Variants in ARID3A observed in about 807,000 individuals in gnomAD.
The protein encoded by ARID3A is AT-rich interaction domain 3A.
ARID3A carries 11 observed loss-of-function variants against 52.7 expected under a neutral mutation model. The observed-to-expected ratio is 0.21, with a 90% CI of 0.13 to 0.35. The LOEUF is 0.35. Ranked by LOEUF, ARID3A falls within the 10% of genes least tolerant of loss-of-function variation. ARID3A has a pLI of 1.00. For missense variants in ARID3A, 721 were observed against 838.5 expected, an observed-to-expected ratio of 0.86 and a Z score of 1.73; for synonymous variants, 404 against 359.4, an observed-to-expected ratio of 1.12 and a Z score of -1.40.
chr19:964,279 C>T lies in ARID3A; in HGVS notation c.798C>T (p.Ala266=). The change falls in exon 5 of 9, where the codon GCC becomes GCT. Residue 266 remains alanine (A), a synonymous_variant. Transcript: ENST00000263620. This position sits in a 1 kb window ranked among gnomAD's most constrained non-coding sequence, Gnocchi z 5.7. The part of the protein sequence containing the change: ...GTPVNRIPIM[A]KQVLDLFMLY... ...CTGTGAACCGCATCCCCATCATGGC[C>T]AAACAGGTCCTTGACCTGTTCATGC... The T allele has an allele frequency of 6.2e-7, 1 of 1,613,628 alleles. No individual in the cohort carries two copies. The highest frequency in any genetic ancestry group is 8.5e-7 in the Non-Finnish European group (1 of 1,179,616).
intron 3 of ARID3A, among the ~76,000 whole-genome samples, chr19:935,119 C>T (rs1007973797): frequency 4.7e-4 from 71 of 152,322 alleles, no homozygotes; most frequent in Non-Finnish European, 1.3e-4. Context: ...AGGCCTGGCC[C>T]GCTGGCCGGC....
chr19:944,253 CGG>C lies in ARID3A; in HGVS notation c.693+11513_693+11514del, dbSNP rs2037624539. On this transcript the variant is annotated intron_variant, in intron 3 of 8. Coordinates refer to ENST00000263620, the MANE Select transcript of ARID3A (RefSeq NM_005224.3). The surrounding 1 kb of genome is among the most constrained non-coding windows in gnomAD (Gnocchi z 5.9). The stretch of plus-strand genomic sequence containing the variant: ...CTGACGTCGGCAGCGCGGTGGAGGG[CGG>C]GCCTGTCTCGCCGTTATCTCCCAGG... Among the ~76,000 whole-genome samples the C allele has an allele frequency of 2.8e-4, 42 of 152,186 alleles. No individual in the cohort carries two copies. Among genetic ancestry groups the C allele is most frequent in the African/African-American group, 9.6e-4 (40 of 41,460 alleles).
In ARID3A at chr19:964,581, A is replaced by C; in HGVS notation, c.950+150A>C. ...GGGCACAGGGCCACACCGTGCGTCCAGGGCCCGAGAGCGTCAAGTAGGGGT... is the reference window on the plus strand; with the variant it reads ...GGGCACAGGGCCACACCGTGCGTCCCGGGCCCGAGAGCGTCAAGTAGGGGT... On this transcript the variant is annotated intron_variant, in intron 5 of 8. Transcript: ENST00000263620. The surrounding 1 kb of genome is among the most constrained non-coding windows in gnomAD (Gnocchi z 5.7). The C allele has an allele frequency of 8.1e-7, 1 of 1,240,220 alleles. No homozygotes were observed. The highest frequency in any genetic ancestry group is 1.1e-6 in the Non-Finnish European group (1 of 917,570). The allele number at this position is 1,240,220 out of a possible 1,614,324, so 76.8% of individuals were successfully genotyped here.
At chr19:954,654 G>C (rs958740582) in intron 3 of ARID3A, among the ~76,000 whole-genome samples, 2 of 152,222 alleles carry the variant, frequency 1.3e-5, no homozygotes, top group Admixed American at 1.3e-4. Flanking sequence ...GCCGGTGGTC[G>C]GTAAAGGTGG....
At position 964,294 on chromosome 19, in the gene ARID3A, C is replaced by T. The variant is rs781215630; in HGVS notation, c.813C>T (p.Asp271=). The T allele has an allele frequency of 3.1e-6, 5 of 1,613,994 alleles. No homozygotes were observed. The highest frequency in any genetic ancestry group is 2.7e-5 in the African/African-American group (2 of 74,936). Residue 271 remains aspartate (D), a synonymous_variant, in exon 5 of 9, where the codon GAC becomes GAT. Coordinates refer to ENST00000263620, the MANE Select transcript of ARID3A (RefSeq NM_005224.3). This position sits in a 1 kb window ranked among gnomAD's most constrained non-coding sequence, Gnocchi z 5.7. Reference sequence around the variant, plus strand: ...CCATCATGGCCAAACAGGTCCTTGACCTGTTCATGCTGTACGTGCTGGTGA... The same window carrying T: ...CCATCATGGCCAAACAGGTCCTTGATCTGTTCATGCTGTACGTGCTGGTGA... ...RIPIMAKQVL[D]LFMLYVLVTE...
chr19:927,505 C>G (rs936008132), intron 1 of ARID3A, among the ~76,000 whole-genome samples: 3 of 151,834 alleles, frequency 2.0e-5, no homozygotes, highest in Non-Finnish European at 4.4e-5. Flanking sequence ...CAGCAGGGCT[C>G]GGAGCGGGCT....
chr19:953,593 C>A (rs1000205594), intron 3 of ARID3A, among the ~76,000 whole-genome samples: 4 of 152,182 alleles, frequency 2.6e-5, no homozygotes, highest in African/African-American at 9.6e-5. Flanking sequence ...GGGCGTGCAA[C>A]CTTCTGGGAA....
intron 3 of ARID3A, among the ~76,000 whole-genome samples, chr19:948,692 G>A (rs1412371293): frequency 6.6e-6 from 1 of 150,800 alleles, no homozygotes; most frequent in Non-Finnish European, 1.5e-5. Context: ...CGAGGGATGA[G>A]GCCTGGAGTC....
In ARID3A at chr19:972,000, G is replaced by A. The variant is rs754455044; in HGVS notation, c.1717G>A (p.Gly573Ser). Residue 573 changes from glycine (G) to serine (S), a missense_variant, in exon 9 of 9, where the codon GGC becomes AGC. By Grantham distance (56) the Gly-to-Ser change is moderately conservative. Transcript: ENST00000263620. ...GRGGNTGTSG[G>S]QAGPAGLSTP... ...GGGAGGAAACACCGGAACCAGCGGC[G>A]GCCAGGCTGGGCCAGCGGGGCTGTC... 4.9e-5 allele frequency: 79 copies of A among 1,599,716 alleles called. No individual in the cohort carries two copies. In the Middle Eastern group the frequency reaches 5.0e-4, roughly 10 times the overall value.
Position 944,178 on chromosome 19 carries a change from G to T in ARID3A, c.693+11436G>T, listed in dbSNP as rs1258135921. ...TGTATGCCAGCCTGCCTGCGTACTG[G>T]GGACACAGCCGTGCATGAAGCAGAA... On this transcript the variant is annotated intron_variant, in intron 3 of 8. Coordinates refer to ENST00000263620, the MANE Select transcript of ARID3A (RefSeq NM_005224.3). The surrounding 1 kb of genome is among the most constrained non-coding windows in gnomAD (Gnocchi z 5.9). Among the ~76,000 whole-genome samples the T allele has an allele frequency of 6.6e-6, 1 of 152,074 alleles. No individual in the cohort carries two copies.
chr19:960,263 C>G lies in ARID3A; in HGVS notation c.766+99C>G, dbSNP rs1052867261. The G allele has an allele frequency of 3.4e-5, 40 of 1,177,586 alleles. No homozygotes were observed. The highest frequency in any genetic ancestry group is 4.7e-5 in the Non-Finnish European group (40 of 845,762). The allele number at this position is 1,177,586 out of a possible 1,614,324, so 72.9% of individuals were successfully genotyped here. A position where few individuals can be genotyped will look rare whatever the true frequency, so the allele number is the denominator to read the frequency against. On this transcript the variant is annotated intron_variant, in intron 4 of 8. Coordinates refer to ENST00000263620, the MANE Select transcript of ARID3A (RefSeq NM_005224.3). This position sits in a 1 kb window ranked among gnomAD's most constrained non-coding sequence, Gnocchi z 4.3. ...AGGTATGTCGGGGCGGTGGTGAGCA[C>G]CCCGTGGCTGGAGGCATCCAAGGCT...
In ARID3A at chr19:941,063, G is replaced by A. The variant is rs1255665795; in HGVS notation, c.693+8321G>A. On this transcript the variant is annotated intron_variant, in intron 3 of 8. Coordinates refer to ENST00000263620, the MANE Select transcript of ARID3A (RefSeq NM_005224.3). The surrounding 1 kb of genome is among the most constrained non-coding windows in gnomAD (Gnocchi z 6.9). ...TCACCGCCGCGGGGTCACCGCCGCC[G>A]CGGCCTGGCCCCACGCCCACCGCCG... Among the ~76,000 whole-genome samples the A allele has an allele frequency of 2.0e-5, 3 of 152,066 alleles. No homozygotes were observed. The highest frequency in any genetic ancestry group is 4.8e-5 in the African/African-American group (2 of 41,444).
At position 944,325 on chromosome 19, in the gene ARID3A, GGTGTGTGT is replaced by G. The variant is rs74873695; in HGVS notation, c.693+11600_693+11607del. ...TCTGGCTGCAGGGGCGCGTCCAGGG[GGTGTGTGT>G]GTGTGTGTGTGTGTGTCTGCGTGGG... On this transcript the variant is annotated intron_variant, in intron 3 of 8. Coordinates refer to ENST00000263620, the MANE Select transcript of ARID3A (RefSeq NM_005224.3). This position sits in a 1 kb window ranked among gnomAD's most constrained non-coding sequence, Gnocchi z 5.9. Among the ~76,000 whole-genome samples, 1 of 149,748 alleles carries G rather than the reference GGTGTGTGT, an allele frequency of 6.7e-6. No homozygotes were observed. Among genetic ancestry groups the G allele is most frequent in the African/African-American group, 2.4e-5 (1 of 40,862 alleles).
rs542946983 is a variant in ARID3A at position 944,987 on chromosome 19, G to C, written c.693+12245G>C. Among the ~76,000 whole-genome samples, 1 of 152,074 alleles carries C rather than the reference G, an allele frequency of 6.6e-6. No homozygotes were observed. Among genetic ancestry groups the C allele is most frequent in the Non-Finnish European group, 1.5e-5 (1 of 68,012 alleles). On this transcript the variant is annotated intron_variant, in intron 3 of 8. Coordinates refer to ENST00000263620, the MANE Select transcript of ARID3A (RefSeq NM_005224.3). This position sits in a 1 kb window ranked among gnomAD's most constrained non-coding sequence, Gnocchi z 5.9. ...CGTCGCCCTGTAATTCTTCCCTGAC[G>C]GCCATTTTTCCGGGAGTGGCTGGGC...
At position 966,642 on chromosome 19, in the gene ARID3A, G is replaced by T; in HGVS notation, c.1269G>T (p.Val423=). The part of the protein sequence containing the change: ...LPVSLAGHPV[V]AAQAAAVQAA... ...TGTCCCTGGCGGGCCACCCTGTGGTGGCAGCCCAGGCAGCAGCTGTGCAAG... is the reference window on the plus strand; with the variant it reads ...TGTCCCTGGCGGGCCACCCTGTGGTTGCAGCCCAGGCAGCAGCTGTGCAAG... The change falls in exon 7 of 9, where the codon GTG becomes GTT. Residue 423 remains valine (V), a synonymous_variant. Coordinates refer to ENST00000263620, the MANE Select transcript of ARID3A (RefSeq NM_005224.3). 6.2e-7 allele frequency: 1 copy of T among 1,603,208 alleles called. No individual in the cohort carries two copies. The highest frequency in any genetic ancestry group is 1.1e-5 in the South Asian group (1 of 90,752).
intron 3 of ARID3A, chr19:956,542 C>T (rs1281981640): frequency 6.6e-6 from 1 of 152,200 alleles, no homozygotes; most frequent in Admixed American, 6.5e-5. Context: ...ACCCACCGGC[C>T]CGGCCAGCCG....
At chr19:934,415 G>A (rs891232348) in intron 3 of ARID3A, among the ~76,000 whole-genome samples, 2 of 152,266 alleles carry the variant, frequency 1.3e-5, no homozygotes, top group African/African-American at 4.8e-5. Context: ...GCGAAGGCAG[G>A]AGGCAGAAGC....
At position 964,403 on chromosome 19, in the gene ARID3A, A is replaced by T; in HGVS notation, c.922A>T (p.Thr308Ser). 1 of 1,607,634 alleles carries T rather than the reference A, an allele frequency of 6.2e-7. No homozygotes were observed. Among genetic ancestry groups the T allele is most frequent in the Non-Finnish European group, 8.5e-7 (1 of 1,176,986 alleles). The change falls in exon 5 of 9, where the codon ACC becomes TCC. Residue 308 changes from threonine to serine, a missense_variant. Thr to Ser is a moderately conservative substitution (Grantham distance 58, BLOSUM62 1). This residue lies in a region of ARID3A where 43 missense variants were observed against 143.7 expected (regional missense o/e 0.30). Coordinates refer to ENST00000263620, the MANE Select transcript of ARID3A (RefSeq NM_005224.3). This position sits in a 1 kb window ranked among gnomAD's most constrained non-coding sequence, Gnocchi z 5.7. ...GGGCCTCAACCTGCCCACGTCCATC[A>T]CCAGTGCAGCCTTCACCCTGCGGAC... ...TKGLNLPTSI[T>S]SAAFTLRTQY...
intron 3 of ARID3A, among the ~76,000 whole-genome samples, chr19:943,244 G>C (rs1174705005): frequency 6.6e-6 from 1 of 151,178 alleles, no homozygotes; most frequent in East Asian, 1.9e-4. Context: ...CTGGGCGACA[G>C]GGCAGGACCC....
Sources: allele counts gnomAD v4.1 joint callset (sites outside exome capture counted in the v4.1 genomes callset), GRCh38; gene constraint gnomAD v4.1.1; regional missense constraint gnomAD v4.1.1; non-coding constraint Gnocchi (gnomAD v3.1); transcripts MANE v1.5; gene names NCBI Gene and HGNC (gene_info 2026-07-23, HGNC 2026-07-21).